CSTPP1: variants seen among roughly 807,000 people sequenced by gnomAD.
CSTPP1 encodes centriolar satellite-associated tubulin polyglutamylase complex regulator 1, also known as UPF0705 protein C11orf49.
the CSTPP1 span, among the ~76,000 whole-genome samples, chr11:47,049,158 G>A: frequency 2.6e-5 from 4 of 151,398 alleles, no homozygotes; most frequent in East Asian, 2.0e-4. Flanking sequence ...GCTAATTTTT[G>A]TAATGTTTCA....
chr11:47,063,306 T>A, the CSTPP1 span, among the ~76,000 whole-genome samples: 5 of 152,178 alleles, frequency 3.3e-5, no homozygotes, highest in African/African-American at 1.2e-4. Context: ...ATTTGAGAAA[T>A]CTTTTTTATG....
chr11:47,071,441 C>T, the CSTPP1 span, among the ~76,000 whole-genome samples: 12 of 152,134 alleles, frequency 7.9e-5, no homozygotes, highest in South Asian at 2.1e-4. Context: ...ATTTGATAAC[C>T]GACTGGAGCC....
At chr11:46,978,174 G>A in the CSTPP1 span, among the ~76,000 whole-genome samples, 1 of 152,200 alleles carries the variant, frequency 6.6e-6, no homozygotes, top group Admixed American at 6.5e-5. Context: ...GAGTCATGGT[G>A]CCTATCTTTA....
chr11:47,036,174 A>G, the CSTPP1 span, among the ~76,000 whole-genome samples: 1 of 55,362 alleles, frequency 1.8e-5, no homozygotes, highest in Non-Finnish European at 3.7e-5. Flanking sequence ...ATATTATAAT[A>G]TATAAATATA....
the CSTPP1 span, among the ~76,000 whole-genome samples, chr11:47,097,437 G>T: frequency 2.3e-5 from 1 of 43,988 alleles, no homozygotes; most frequent in Non-Finnish European, 4.9e-5. Flanking sequence ...CAGCCGCCCC[G>T]TCCGGGAGGG....
the CSTPP1 span, chr11:47,161,075 G>A: frequency 3.1e-6 from 5 of 1,610,354 alleles, no homozygotes; most frequent in Non-Finnish European, 4.2e-6. Context: ...GGAATCTGTT[G>A]CCTGGCTGAA....
the CSTPP1 span, among the ~76,000 whole-genome samples, chr11:46,991,836 G>A: frequency 6.6e-6 from 1 of 152,106 alleles, no homozygotes; most frequent in Admixed American, 6.5e-5. Context: ...CGTCTCCCGG[G>A]TTCAAGAGAT....
the CSTPP1 span, among the ~76,000 whole-genome samples, chr11:46,951,588 T>C: frequency 2.6e-5 from 4 of 152,300 alleles, no homozygotes; most frequent in South Asian, 8.3e-4. Flanking sequence ...CCCTGCCAGA[T>C]TGTTTTAATA....
chr11:47,038,548 A>G, the CSTPP1 span, among the ~76,000 whole-genome samples: 1 of 84,270 alleles, frequency 1.2e-5, no homozygotes, highest in Admixed American at 1.2e-4. Context: ...GGCGCCCCTC[A>G]CCTCCCGGAC....
At chr11:47,153,009 G>A in the CSTPP1 span, among the ~76,000 whole-genome samples, 4 of 152,284 alleles carry the variant, frequency 2.6e-5, no homozygotes, top group East Asian at 7.7e-4. Flanking sequence ...TGAGGTGCTG[G>A]TGGCCCTTGC....
the CSTPP1 span, among the ~76,000 whole-genome samples, chr11:47,150,513 T>G: frequency 6.6e-6 from 1 of 152,176 alleles, no homozygotes; most frequent in Non-Finnish European, 1.5e-5. Context: ...TGAGGAGGTT[T>G]CCGAGAACTG....
At chr11:46,997,574 G>A in the CSTPP1 span, among the ~76,000 whole-genome samples, 5 of 152,278 alleles carry the variant, frequency 3.3e-5, no homozygotes, top group South Asian at 2.1e-4. Context: ...CGTCAAAGTC[G>A]TTCTCCGTCC....
the CSTPP1 span, among the ~76,000 whole-genome samples, chr11:47,150,891 T>G: frequency 1.4e-5 from 2 of 146,588 alleles, no homozygotes; most frequent in Non-Finnish European, 3.0e-5. Flanking sequence ...AGGTTTTTTT[T>G]TTTTTTTTTT....
chr11:47,052,234 A>G, the CSTPP1 span: 2 of 950,950 alleles, frequency 2.1e-6, no homozygotes, highest in Admixed American at 2.8e-5. Flanking sequence ...AGACTTCCCC[A>G]TAGAAGGACT....
At chr11:47,023,117 TA>T in the CSTPP1 span, among the ~76,000 whole-genome samples, 11 of 152,178 alleles carry the variant, frequency 7.2e-5, no homozygotes, top group Non-Finnish European at 1.6e-4. Flanking sequence ...ACATTTTCAG[TA>T]GCAAAGCCAT....
chr11:47,022,836 A>G, the CSTPP1 span, among the ~76,000 whole-genome samples: 1 of 152,378 alleles, frequency 6.6e-6, no homozygotes, highest in East Asian at 1.9e-4. Context: ...CATTTTACAG[A>G]ATGCATTATT....
the CSTPP1 span, among the ~76,000 whole-genome samples, chr11:46,947,468 T>A: frequency 6.6e-6 from 1 of 152,238 alleles, no homozygotes; most frequent in Non-Finnish European, 1.5e-5. Flanking sequence ...CCACTAGCTA[T>A]GTTTTTTCTT....
At chr11:46,975,908 C>T in the CSTPP1 span, among the ~76,000 whole-genome samples, 2 of 151,996 alleles carry the variant, frequency 1.3e-5, no homozygotes, top group African/African-American at 4.8e-5. Flanking sequence ...ATCTGTGGGA[C>T]GATGTGGGAG....
At chr11:47,022,136 C>T in the CSTPP1 span, among the ~76,000 whole-genome samples, 2 of 98,826 alleles carry the variant, frequency 2.0e-5, no homozygotes, top group African/African-American at 8.7e-5. Flanking sequence ...AAGCATACCA[C>T]TTAGCCCCCA....
Sources: gnomAD v4.1 joint callset for allele counts (sites outside exome capture counted in the v4.1 genomes callset) on GRCh38, gnomAD v4.1.1 for gene constraint, MANE v1.5 for transcripts, NCBI Gene and HGNC (gene_info 2026-07-23, HGNC 2026-07-21) for gene names.